The following PDE1C variants were observed in gnomAD, a reference collection of about 807,000 sequenced individuals.
The protein encoded by PDE1C is dual specificity calcium/calmodulin-dependent 3',5'-cyclic nucleotide phosphodiesterase 1C.
PDE1C carries 62 observed loss-of-function variants against 93.1 expected under a neutral mutation model. The ratio of observed to expected loss-of-function variants is 0.67; its 90% CI spans 0.54 to 0.82. The LOEUF (loss-of-function observed/expected upper bound fraction) is 0.82, where lower values mean the gene tolerates loss of function less well. Among genes scored for constraint, PDE1C ranks in the 40% least tolerant of loss-of-function variants. The pLI is 0.00. For synonymous variants in PDE1C, 325 were observed against 310.1 expected, an observed-to-expected ratio of 1.05 and a Z score of -0.50; for missense variants, 742 against 884.6, an observed-to-expected ratio of 0.84 and a Z score of 2.04.
intron 1 of PDE1C, among the ~76,000 whole-genome samples, chr7:32,286,682 T>TAAAATATC (rs1394038854): frequency 2.0e-5 from 3 of 152,164 alleles, no homozygotes; most frequent in Non-Finnish European, 4.4e-5. Context: ...CTGACTAATT[T>TAAAATATC]AAAATATCCA....
At chr7:32,143,918 A>G (rs930688713) in intron 3 of PDE1C, among the ~76,000 whole-genome samples, 1 of 151,958 alleles carries the variant, frequency 6.6e-6, no homozygotes, top group Non-Finnish European at 1.5e-5. Flanking sequence ...GTGTGACCCC[A>G]CGCTACAAGA....
At chr7:31,924,362 A>G (rs1191012014) in intron 2 of PDE1C, among the ~76,000 whole-genome samples, 1 of 152,210 alleles carries the variant, frequency 6.6e-6, no homozygotes, top group East Asian at 1.9e-4. Flanking sequence ...TAACAGACAT[A>G]TTCAAGGAAA....
chr7:32,330,834 G>C (rs1207600276), intron 1 of PDE1C, among the ~76,000 whole-genome samples: 1 of 152,190 alleles, frequency 6.6e-6, no homozygotes, highest in East Asian at 1.9e-4. Flanking sequence ...AGAAGTTAAG[G>C]CCAGAGAGCA....
upstream of PDE1C, among the ~76,000 whole-genome samples, chr7:32,074,527 A>G (rs1444396483): frequency 3.3e-5 from 5 of 152,346 alleles, no homozygotes; most frequent in African/African-American, 1.2e-4. Context: ...TTCCAAACCC[A>G]GACCAAAAGG....
At chr7:32,064,725 C>CT (rs1225202065) in intron 1 of PDE1C, among the ~76,000 whole-genome samples, 1 of 152,018 alleles carries the variant, frequency 6.6e-6, no homozygotes, top group Non-Finnish European at 1.5e-5. Flanking sequence ...GAAAGAACAC[C>CT]TAGAACACAG....
the PDE1C span, chr7:31,651,368 TA>T: frequency 1.1e-5 from 15 of 1,352,646 alleles, no homozygotes; most frequent in Non-Finnish European, 1.4e-5. Context: ...GGAGCAGAGC[TA>T]ATGAGAAACC....
chr7:32,171,408 A>G (rs1802642337), intron 2 of PDE1C, among the ~76,000 whole-genome samples: 1 of 151,626 alleles, frequency 6.6e-6, no homozygotes, highest in African/African-American at 2.4e-5. Context: ...ATATTCAGAA[A>G]AAAAAAATCT....
chr7:32,294,928 G>A (rs964618667), intron 1 of PDE1C, among the ~76,000 whole-genome samples: 1 of 152,146 alleles, frequency 6.6e-6, no homozygotes, highest in South Asian at 2.1e-4. Flanking sequence ...GCATCAAGGC[G>A]CTTTCAAAGT....
intron 3 of PDE1C, among the ~76,000 whole-genome samples, chr7:32,129,135 G>GA (rs1356355539): frequency 1.3e-5 from 2 of 150,510 alleles, no homozygotes; most frequent in Non-Finnish European, 3.0e-5. Flanking sequence ...CTTATACCTT[G>GA]AAAAAACAGA....
chr7:31,960,664 T>C (rs942110842), intron 2 of PDE1C, among the ~76,000 whole-genome samples: 26 of 152,280 alleles, frequency 1.7e-4, no homozygotes, highest in African/African-American at 5.8e-4. Context: ...ACTGGTAAAA[T>C]ATGAACGATT....
At chr7:31,860,651 C>T (rs897787271) in intron 7 of PDE1C, among the ~76,000 whole-genome samples, 4 of 152,102 alleles carry the variant, frequency 2.6e-5, no homozygotes, top group African/African-American at 9.7e-5. Context: ...TCTCCAAATG[C>T]TTACTTCATT....
Position 31,768,988 on chromosome 7 carries a change from G to T in PDE1C, c.1960+6676C>A, listed in dbSNP as rs1204245419. ...TTTTTGTATTTTTAGTAGAGATGGG[G>T]TTTTGTCACGTTGGCTAGGCTGGTC... On this transcript the variant is annotated intron_variant, in intron 17 of 17. Transcript: ENST00000396191. Among the ~76,000 whole-genome samples, 3 of 152,164 alleles carry T rather than the reference G, an allele frequency of 2.0e-5. No homozygotes were observed. In the East Asian group the frequency reaches 5.8e-4, roughly 29 times the overall value.
chr7:31,980,178 C>A (rs958176096), intron 2 of PDE1C, among the ~76,000 whole-genome samples: 1 of 152,260 alleles, frequency 6.6e-6, no homozygotes, highest in Admixed American at 6.5e-5. Flanking sequence ...CTAGTACATA[C>A]CCCAGCACAA....
chr7:31,746,077 T>C, the PDE1C span, among the ~76,000 whole-genome samples: 2 of 151,626 alleles, frequency 1.3e-5, no homozygotes, highest in African/African-American at 4.8e-5. Flanking sequence ...TCTCCAACAG[T>C]GGAGAATGCA....
chr7:31,794,077 C>CAGATAGATAGATAGATAGATAGAT (rs1196325805), intron 16 of PDE1C, among the ~76,000 whole-genome samples: 54 of 135,180 alleles, frequency 4.0e-4, no homozygotes, highest in Middle Eastern at 3.8e-3. Context: ...GACAGACAGA[C>CAGATAGATAGATAGATAGATAGAT]AGACAGACAG....
intron 2 of PDE1C, among the ~76,000 whole-genome samples, chr7:31,905,473 A>G (rs1800478994): frequency 6.6e-6 from 1 of 152,184 alleles, no homozygotes; most frequent in Non-Finnish European, 1.5e-5. Flanking sequence ...AAGAATCAGT[A>G]AAATAAATCC....
At chr7:31,928,357 C>T (rs557403653) in intron 2 of PDE1C, among the ~76,000 whole-genome samples, 2 of 152,150 alleles carry the variant, frequency 1.3e-5, no homozygotes, top group Non-Finnish European at 2.9e-5. Flanking sequence ...GGAAAACACA[C>T]TTTAGGATGT....
chr7:32,164,967 G>A (rs1439364918), intron 3 of PDE1C, among the ~76,000 whole-genome samples: 1 of 152,224 alleles, frequency 6.6e-6, no homozygotes, highest in Non-Finnish European at 1.5e-5. Flanking sequence ...GGGATAAAAT[G>A]TGAGAAACAA....
intron 1 of PDE1C, among the ~76,000 whole-genome samples, chr7:32,311,464 T>C (rs1783038398): frequency 6.6e-6 from 1 of 152,200 alleles, no homozygotes; most frequent in South Asian, 2.1e-4. Flanking sequence ...AAGAGAATTT[T>C]AGACCAATAT....
Sources: gnomAD v4.1 joint callset for allele counts (sites outside exome capture counted in the v4.1 genomes callset) on GRCh38, gnomAD v4.1.1 for gene constraint, MANE v1.5 for transcripts, NCBI Gene and HGNC (gene_info 2026-07-23, HGNC 2026-07-21) for gene names.